CCDC93: variants seen among roughly 807,000 people sequenced by gnomAD.
CCDC93 encodes the protein CCC complex scaffolding subunit CCDC93.
CCDC93 carries 61 observed loss-of-function variants against 108.2 expected under a neutral mutation model. That is an observed-to-expected ratio of 0.56 (90% CI 0.46 to 0.70). The LOEUF is 0.70. Among genes scored for constraint, CCDC93 ranks in the 30% least tolerant of loss-of-function variants. CCDC93 has a pLI of 0.00. For synonymous variants in CCDC93, 276 were observed against 260.4 expected (o/e 1.06, Z -0.58); for missense variants, 685 against 764.2 (o/e 0.90, Z 1.22).
intron 17 of CCDC93, among the ~76,000 whole-genome samples, chr2:117,945,019 TG>T (rs1166008109): frequency 1.3e-5 from 2 of 152,260 alleles, no homozygotes; most frequent in Non-Finnish European, 2.9e-5. Context: ...GGCCCATTTT[TG>T]TAAATAAAGT....
intron 15 of CCDC93, among the ~76,000 whole-genome samples, chr2:117,947,513 G>T (rs1306754316): frequency 6.6e-6 from 1 of 152,114 alleles, no homozygotes; most frequent in Non-Finnish European, 1.5e-5. Flanking sequence ...TTTGTATGAT[G>T]TTACCCTTTT....
chr2:117,969,143 T>G (rs1679680846), intron 11 of CCDC93, among the ~76,000 whole-genome samples: 1 of 152,192 alleles, frequency 6.6e-6, no homozygotes, highest in Non-Finnish European at 1.5e-5. Flanking sequence ...TTTGATTACA[T>G]ATATGTAATT....
At chr2:117,989,358 C>T (rs1299935483) in intron 6 of CCDC93, among the ~76,000 whole-genome samples, 1 of 152,024 alleles carries the variant, frequency 6.6e-6, no homozygotes, top group African/African-American at 2.4e-5. Context: ...TGGATGTGGC[C>T]CTTGCATGCA....
At chr2:117,992,482 G>A (rs1344550237) in intron 6 of CCDC93, among the ~76,000 whole-genome samples, 5 of 152,084 alleles carry the variant, frequency 3.3e-5, no homozygotes, top group Non-Finnish European at 7.4e-5. Context: ...GGGCTCAAGC[G>A]ATCTGCCCAC....
chr2:117,938,353 G>A (rs1022247571), intron 20 of CCDC93, among the ~76,000 whole-genome samples: 9 of 152,020 alleles, frequency 5.9e-5, no homozygotes, highest in African/African-American at 1.9e-4. Context: ...TGCTCCAACC[G>A]TTTGTCATCA....
At position 117,952,480 on chromosome 2, in the gene CCDC93, T is replaced by C. The variant is rs771590484; in HGVS notation, c.1006-45A>G. 25 of 1,308,764 alleles carry C rather than the reference T, an allele frequency of 1.9e-5. No homozygotes were observed. In the African/African-American group the frequency reaches 2.6e-4, roughly 14 times the overall value. The allele number at this position is 1,308,764 out of a possible 1,614,324, so 81.1% of individuals were successfully genotyped here. A position where few individuals can be genotyped will look rare whatever the true frequency, so the allele number is the denominator to read the frequency against. On this transcript the variant is annotated intron_variant, in intron 12 of 23. Coordinates refer to ENST00000376300, the MANE Select transcript of CCDC93 (RefSeq NM_019044.5). ...GACATATGCTCTCATTTGATCCTTATGACAACACAGATGTGAATTTCACAG... is the reference window on the plus strand; with the variant it reads ...GACATATGCTCTCATTTGATCCTTACGACAACACAGATGTGAATTTCACAG...
rs1347461731 is a variant in CCDC93 at position 117,916,060 on chromosome 2, A to G, written c.*4283T>C. The G allele has an allele frequency of 6.6e-6, 1 of 152,214 alleles. No homozygotes were observed. The highest frequency in any genetic ancestry group is 2.4e-5 in the African/African-American group (1 of 41,466). The allele number at this position is 152,214 out of a possible 1,614,324, so 9.4% of individuals were successfully genotyped here. A position where few individuals can be genotyped will look rare whatever the true frequency, so the allele number is the denominator to read the frequency against. ...CTTGTACACAGGTACAATTCTTAGG[A>G]GTAGCATTGCTAGTTCAAAGAGCTT... On this transcript the variant is annotated 3_prime_UTR_variant, in exon 24 of 24. Coordinates refer to ENST00000376300, the MANE Select transcript of CCDC93 (RefSeq NM_019044.5).
chr2:117,916,612 T>C lies in CCDC93; in HGVS notation c.*3731A>G, dbSNP rs977378725. The C allele has an allele frequency of 6.6e-6, 1 of 152,194 alleles. No individual in the cohort carries two copies. The highest frequency in any genetic ancestry group is 1.5e-5 in the Non-Finnish European group (1 of 68,042). 9.4% of individuals were successfully genotyped at this position (152,194 alleles called of 1,614,324 possible). ...GAGCTAGATGCTGGGGAGAGTGTGG[T>C]AAGACAAGCCCTTACTTTTGTTGCG... On this transcript the variant is annotated 3_prime_UTR_variant, in exon 24 of 24. Transcript: ENST00000376300.
intron 23 of CCDC93, among the ~76,000 whole-genome samples, chr2:117,922,230 C>G (rs1030189706): frequency 6.6e-6 from 1 of 152,108 alleles, no homozygotes; most frequent in African/African-American, 2.4e-5. Flanking sequence ...GAACCCTAGG[C>G]GATGCTTGTA....
At chr2:118,008,171 C>T (rs10174158) in intron 2 of CCDC93, among the ~76,000 whole-genome samples, 31,264 of 152,136 alleles carry the variant, frequency 0.21, 3,388 homozygotes, top group Middle Eastern at 0.31. Context: ...ATTTACTATC[C>T]GCAGAATATC....
chr2:117,978,228 C>T (rs1416268538), intron 7 of CCDC93, among the ~76,000 whole-genome samples, 198 bp from the exon 8 acceptor site: 1 of 152,146 alleles, frequency 6.6e-6, no homozygotes, highest in Admixed American at 6.5e-5. Context: ...ACCCTACTTG[C>T]TATGCAAATA....
In CCDC93 at chr2:117,996,957, T is replaced by C. The variant is rs565873139; in HGVS notation, c.364-595A>G. On this transcript the variant is annotated intron_variant, in intron 4 of 23. Coordinates refer to ENST00000376300, the MANE Select transcript of CCDC93 (RefSeq NM_019044.5). ...GTTTATCCTGACATTCATAACATTC[T>C]CTCTTAATCCTCACAATGTCGGATG... 5 of 152,480 alleles carry C rather than the reference T, an allele frequency of 3.3e-5. No homozygotes were observed. In the East Asian group the frequency reaches 9.6e-4, roughly 29 times the overall value. The allele number at this position is 152,480 out of a possible 1,614,324, so 9.4% of individuals were successfully genotyped here.
At chr2:118,012,258 A>C (rs1677039055) in intron 1 of CCDC93, among the ~76,000 whole-genome samples, 1 of 146,786 alleles carries the variant, frequency 6.8e-6, no homozygotes, top group South Asian at 2.2e-4. Flanking sequence ...TCGGTGACAG[A>C]GTGAGACTCT....
rs1304953779 is a variant in CCDC93, at chr2:117,995,499, C to G, written c.466G>C (p.Asp156His). Residue 156 changes from aspartate (D) to histidine (H), a missense_variant, in exon 6 of 24, where the codon GAT becomes CAT. Asp to His is a moderately conservative substitution (Grantham distance 81). Transcript: ENST00000376300. ...FQKTYSLPED[D>H]DFIKRKEKAI... ...TTTTCTTTTCTCTTTATGAAGTCATCATCCTACAAGACAAAACAGAGCGAT... is the reference window on the plus strand; with the variant it reads ...TTTTCTTTTCTCTTTATGAAGTCATGATCCTACAAGACAAAACAGAGCGAT... 3.7e-6 allele frequency: 6 copies of G among 1,612,698 alleles called. No homozygotes were observed. The highest frequency in any genetic ancestry group is 4.2e-6 in the Non-Finnish European group (5 of 1,178,754).
chr2:117,964,415 A>G (rs1436886930), intron 11 of CCDC93, among the ~76,000 whole-genome samples: 2 of 152,100 alleles, frequency 1.3e-5, no homozygotes, highest in African/African-American at 4.8e-5. Context: ...CCTTCAGCAA[A>G]TATCTGTGAA....
intron 11 of CCDC93, among the ~76,000 whole-genome samples, chr2:117,961,557 C>T (rs76267840): frequency 5.3e-5 from 8 of 152,206 alleles, no homozygotes; most frequent in South Asian, 2.1e-4. Flanking sequence ...GAAAGCTGAC[C>T]GCTCTGTTTT....
intron 11 of CCDC93, among the ~76,000 whole-genome samples, chr2:117,972,238 C>T (rs1679789041): frequency 6.6e-6 from 1 of 152,178 alleles, no homozygotes; most frequent in Non-Finnish European, 1.5e-5. Flanking sequence ...AAAATCTTGG[C>T]ACGGCTTCCT....
chr2:117,950,242 A>C, intron 13 of CCDC93: 14 of 985,436 alleles, frequency 1.4e-5, no homozygotes, highest in Non-Finnish European at 1.7e-5. Flanking sequence ...CAAAGAGCTG[A>C]AGACAGACAT....
chr2:117,950,730 C>T, intron 13 of CCDC93: 1 of 985,442 alleles, frequency 1.0e-6, no homozygotes, highest in Non-Finnish European at 1.2e-6. Flanking sequence ...CCAAATCAAG[C>T]TTCTTCAGAA....
Sources: allele counts gnomAD v4.1 joint callset (sites outside exome capture counted in the v4.1 genomes callset), GRCh38; gene constraint gnomAD v4.1.1; transcripts MANE v1.5; gene names NCBI Gene and HGNC (gene_info 2026-07-23, HGNC 2026-07-21).